IMMP1L: variants seen among roughly 807,000 people sequenced by gnomAD.
IMMP1L encodes inner mitochondrial membrane peptidase subunit 1.
A neutral mutation model predicts 21.8 loss-of-function variants in IMMP1L; 24 were observed. The observed-to-expected ratio is 1.10, with a 90% CI of 0.80 to 1.55. The LOEUF (loss-of-function observed/expected upper bound fraction) is 1.55, where lower values mean the gene tolerates loss of function less well. Ranked by LOEUF, IMMP1L falls within the 40% of genes most tolerant of loss-of-function variation. The pLI is 0.00. For synonymous variants in IMMP1L, 46 were observed against 62.8 expected (o/e 0.73, Z 1.26); for missense variants, 195 against 200.7 (o/e 0.97, Z 0.17).
intron 2 of IMMP1L, among the ~76,000 whole-genome samples, chr11:31,462,277 T>C (rs1343943707): frequency 2.0e-5 from 3 of 149,696 alleles, no homozygotes; most frequent in African/African-American, 7.5e-5. Context: ...GATCACTTGA[T>C]TGCACTCCAG....
chr11:31,491,100 C>A (rs1466548769), intron 1 of IMMP1L, among the ~76,000 whole-genome samples: 1 of 152,178 alleles, frequency 6.6e-6, no homozygotes, highest in Non-Finnish European at 1.5e-5. Flanking sequence ...TGTGTTAAGT[C>A]ACCAAGTTTT....
At chr11:31,437,833 T>C (rs1591939855) in intron 4 of IMMP1L, among the ~76,000 whole-genome samples, 1 of 152,202 alleles carries the variant, frequency 6.6e-6, no homozygotes, top group Non-Finnish European at 1.5e-5. Flanking sequence ...CTTAATTTCA[T>C]ATAAATGGAA....
intron 4 of IMMP1L, among the ~76,000 whole-genome samples, chr11:31,441,375 C>T (rs903513179): frequency 4.8e-5 from 7 of 147,088 alleles, no homozygotes; most frequent in Non-Finnish European, 1.0e-4. Context: ...GTTAACCTAA[C>T]CTCTAATCCA....
chr11:31,487,718 A>G (rs1955130618), intron 1 of IMMP1L, among the ~76,000 whole-genome samples: 1 of 152,190 alleles, frequency 6.6e-6, no homozygotes, highest in Admixed American at 6.5e-5. Context: ...AAACTAACTT[A>G]CATTACAAAA....
At chr11:31,507,870 A>G (rs1955825525) in intron 1 of IMMP1L, among the ~76,000 whole-genome samples, 1 of 152,238 alleles carries the variant, frequency 6.6e-6, no homozygotes, top group African/African-American at 2.4e-5. Flanking sequence ...GAGGTAATGC[A>G]TTGCTAATTA....
intron 1 of IMMP1L, among the ~76,000 whole-genome samples, chr11:31,493,465 G>C (rs1281937511): frequency 6.6e-6 from 1 of 152,080 alleles, no homozygotes; most frequent in Admixed American, 6.5e-5. Flanking sequence ...CACAGTATGT[G>C]GGGATTATGG....
intron 1 of IMMP1L, among the ~76,000 whole-genome samples, chr11:31,489,804 T>C (rs180775802): frequency 2.0e-3 from 307 of 152,294 alleles, no homozygotes; most frequent in African/African-American, 6.6e-3. Flanking sequence ...CCTGTAACAA[T>C]AGTCTGTTTA....
In IMMP1L at chr11:31,432,523, C is replaced by T. The variant is rs1157557866; in HGVS notation, c.478G>A (p.Gly160Ser). The T allele has an allele frequency of 1.9e-6, 3 of 1,612,746 alleles. No homozygotes were observed. In the Admixed American group the frequency reaches 5.0e-5, roughly 27 times the overall value. The change falls in exon 6 of 6, where the codon GGC becomes AGC. Residue 160 changes from glycine (G) to serine (S), a missense_variant. Gly to Ser is a moderately conservative substitution (Grantham distance 56, BLOSUM62 0). Coordinates refer to ENST00000532287, the MANE Select transcript of IMMP1L (RefSeq NM_001304274.2). ...TACTAATCATCAGAAAATCTGTGGC[C>T]ATTAGGGCTGGCACGTAAAAATCCA... Reference protein sequence around the residue: ...DFGFLRASPNGHRFSDD With the variant: ...DFGFLRASPNSHRFSDD
intron 1 of IMMP1L, among the ~76,000 whole-genome samples, chr11:31,479,758 A>G (rs190219380): frequency 6.6e-6 from 1 of 152,192 alleles, no homozygotes; most frequent in Admixed American, 6.5e-5. Flanking sequence ...TCTAATGGAA[A>G]GCACCACTTT....
At chr11:31,494,077 A>T (rs1460870382) in intron 1 of IMMP1L, among the ~76,000 whole-genome samples, 2 of 152,188 alleles carry the variant, frequency 1.3e-5, no homozygotes, top group African/African-American at 4.8e-5. Flanking sequence ...CTCTTCTCAC[A>T]GCTCCACCAG....
intron 4 of IMMP1L, among the ~76,000 whole-genome samples, chr11:31,450,062 AT>A (rs1305301809): frequency 6.6e-6 from 1 of 152,204 alleles, no homozygotes; most frequent in African/African-American, 2.4e-5. Flanking sequence ...TTAAAAAATG[AT>A]TCTTCATTTT....
At chr11:31,474,735 G>A (rs1954672699) in intron 1 of IMMP1L, among the ~76,000 whole-genome samples, 1 of 152,160 alleles carries the variant, frequency 6.6e-6, no homozygotes, top group African/African-American at 2.4e-5. Flanking sequence ...TTCATTAGCA[G>A]AGGAAATAAC....
chr11:31,448,804 C>T (rs1280772592), intron 4 of IMMP1L: 1 of 267,172 alleles, frequency 3.7e-6, no homozygotes, highest in Non-Finnish European at 5.8e-6. Context: ...GAGAACACAT[C>T]AGAAAACACT....
At chr11:31,453,923 G>A (rs1230024088) in intron 4 of IMMP1L, among the ~76,000 whole-genome samples, 3 of 152,198 alleles carry the variant, frequency 2.0e-5, no homozygotes, top group South Asian at 2.1e-4. Context: ...GAGGGTTACA[G>A]ATTCTGAAGC....
intron 1 of IMMP1L, among the ~76,000 whole-genome samples, chr11:31,472,396 C>T (rs1014393102): frequency 3.3e-5 from 5 of 152,112 alleles, no homozygotes; most frequent in African/African-American, 7.2e-5. Context: ...TTCAGCAATC[C>T]GTATTTTAAC....
chr11:31,452,888 T>A (rs1390477876), intron 4 of IMMP1L: 1 of 606,926 alleles, frequency 1.6e-6, no homozygotes, highest in Non-Finnish European at 2.3e-6. Flanking sequence ...GTAGCTGAGA[T>A]GACAGGCGCC....
At chr11:31,483,673 G>A (rs1954976165) in intron 1 of IMMP1L, among the ~76,000 whole-genome samples, 1 of 151,956 alleles carries the variant, frequency 6.6e-6, no homozygotes, top group Non-Finnish European at 1.5e-5. Flanking sequence ...GGTACAGAAT[G>A]CAGTATACAG....
intron 3 of IMMP1L, among the ~76,000 whole-genome samples, chr11:31,458,570 A>G (rs879413586): frequency 1.3e-5 from 2 of 152,142 alleles, no homozygotes; most frequent in Non-Finnish European, 2.9e-5. Flanking sequence ...GTTATTTTAC[A>G]TTTAGAAACA....
chr11:31,460,722 G>C lies in IMMP1L; in HGVS notation c.106-8C>G, dbSNP rs374694863. 6.5e-7 allele frequency: 1 copy of C among 1,530,696 alleles called. No homozygotes were observed. Among genetic ancestry groups the C allele is most frequent in the East Asian group, 2.3e-5 (1 of 44,310 alleles). The allele number at this position is 1,530,696 out of a possible 1,614,324, so 94.8% of individuals were successfully genotyped here. On this transcript the variant is annotated splice_region_variant and splice_polypyrimidine_tract_variant and intron_variant, in intron 2 of 5. Transcript: ENST00000532287. ...CATTGATGGTCCAGAACACTGAAAA[G>C]AGAGGTAATTTGTAATCTAAATTCA...
Sources: gnomAD v4.1 joint callset for allele counts (sites outside exome capture counted in the v4.1 genomes callset) on GRCh38, gnomAD v4.1.1 for gene constraint, MANE v1.5 for transcripts, NCBI Gene and HGNC (gene_info 2026-07-23, HGNC 2026-07-21) for gene names.